Variants in COPZ2 observed in about 807,000 individuals in gnomAD.
COPZ2 encodes coatomer subunit zeta-2.
Under a neutral mutation model 33.2 loss-of-function variants are expected in COPZ2, and 30 were observed. The ratio of observed to expected loss-of-function variants is 0.90; its 90% CI spans 0.68 to 1.23. The LOEUF is 1.23. COPZ2 is among the 50% of genes most tolerant of loss of function. COPZ2 has a pLI of 0.00. For synonymous variants in COPZ2, 89 were observed against 102.6 expected (o/e 0.87, Z 0.80); for missense variants, 263 against 262.4 (o/e 1.00, Z -0.02).
intron 4 of COPZ2, 93 bp downstream of exon 4, chr17:48,033,118 G>T (rs1330502334): frequency 2.3e-6 from 2 of 870,058 alleles, no homozygotes; most frequent in African/African-American, 3.3e-5. Flanking sequence ...GTCCAATGGT[G>T]AGCCTCCAGG....
chr17:48,029,212 G>A (rs771509611), intron 6 of COPZ2, 36 bp from the exon 7 acceptor site: 2 of 1,549,988 alleles, frequency 1.3e-6, no homozygotes, highest in Non-Finnish European at 1.7e-6. Flanking sequence ...AGGCAAATCA[G>A]TGGCACAATC....
At chr17:48,033,028 A>G in intron 4 of COPZ2, 183 bp downstream of exon 4, 1 of 601,550 alleles carries the variant, frequency 1.7e-6, no homozygotes, top group Non-Finnish European at 3.0e-6. Context: ...AAGGAAACTA[A>G]GGGGCATCGA....
At chr17:48,040,857 G>A (rs1370562741), upstream of COPZ2, among the ~76,000 whole-genome samples, 1 of 151,760 alleles carries the variant, frequency 6.6e-6, no homozygotes, top group Non-Finnish European at 1.5e-5. Flanking sequence ...ACCTATCAAT[G>A]ATACCATATT....
chr17:48,044,468 C>G, the COPZ2 span, among the ~76,000 whole-genome samples: 1 of 130,450 alleles, frequency 7.7e-6, no homozygotes, highest in Non-Finnish European at 1.6e-5. Context: ...TGATTCTCTA[C>G]TCTGGCTGTG....
At chr17:48,034,011 G>A (rs1222813073) in intron 2 of COPZ2, 67 bp from the exon 3 acceptor site, 4 of 1,198,988 alleles carry the variant, frequency 3.3e-6, no homozygotes, top group East Asian at 5.0e-5. Context: ...TAGATTGGGG[G>A]GCAGGAAAGA....
In COPZ2 at chr17:48,037,572, G is replaced by T. The variant is rs575497678; in HGVS notation, c.111+95C>A. 1.9e-5 allele frequency: 19 copies of T among 1,004,308 alleles called. No homozygotes were observed. The East Asian group carries it at 1.5e-3, about 79-fold the overall frequency. 62.2% of individuals were successfully genotyped at this position (1,004,308 alleles called of 1,614,324 possible). A position where few individuals can be genotyped will look rare whatever the true frequency, so the allele number is the denominator to read the frequency against. On this transcript the variant is annotated intron_variant, in intron 1 of 8. Transcript: ENST00000621465. This position sits in a 1 kb window ranked among gnomAD's most constrained non-coding sequence, Gnocchi z 5.6. ...GGTGACACAAAGTTCCCAGCCGCCG[G>T]GCGCGCGAGTTCTGAGTTGGCTGCT...
chr17:48,034,746 G>T (rs1269313845), intron 2 of COPZ2, among the ~76,000 whole-genome samples: 2 of 152,108 alleles, frequency 1.3e-5, no homozygotes, highest in South Asian at 2.1e-4. Context: ...ACTTTGGGAG[G>T]CCGAGGCGGG....
At chr17:48,026,876 T>C (rs377200343) in intron 8 of COPZ2, among the ~76,000 whole-genome samples, 14 of 152,244 alleles carry the variant, frequency 9.2e-5, no homozygotes, top group Admixed American at 3.3e-4. Context: ...TGGCTGGCAA[T>C]GTGTCCTCAA....
chr17:48,035,127 C>T (rs2036959952), intron 2 of COPZ2, among the ~76,000 whole-genome samples: 1 of 152,194 alleles, frequency 6.6e-6, no homozygotes, highest in Non-Finnish European at 1.5e-5. Flanking sequence ...CACACATATC[C>T]CATAACTAAA....
the COPZ2 span, chr17:48,047,437 A>T: frequency 6.6e-6 from 1 of 152,200 alleles, no homozygotes; most frequent in Non-Finnish European, 1.5e-5. Flanking sequence ...AAGCTCCCCA[A>T]GTGATGCTGG....
At chr17:48,035,941 G>C (rs561811383) in intron 2 of COPZ2, among the ~76,000 whole-genome samples, 3 of 151,562 alleles carry the variant, frequency 2.0e-5, no homozygotes, top group Non-Finnish European at 4.4e-5. Flanking sequence ...TTTTAGTAGA[G>C]ACAGGGTTTC....
intron 7 of COPZ2, 111 bp downstream of exon 7, chr17:48,029,014 T>C: frequency 1.1e-6 from 1 of 949,198 alleles, no homozygotes. Context: ...GCCCAGTGGT[T>C]GGCTTCTGCT....
In COPZ2 at chr17:48,033,850, G is replaced by C. The variant is rs369842292; in HGVS notation, c.268+13C>G. ...CATCTGATAGTCTGCTGGAGGAAGA[G>C]GGGGACACTTACTCTCAGTCCGGCT... On this transcript the variant is annotated intron_variant, in intron 3 of 8. Coordinates refer to ENST00000621465, the MANE Select transcript of COPZ2 (RefSeq NM_016429.4). 57 of 1,591,548 alleles carry C rather than the reference G, an allele frequency of 3.6e-5. No homozygotes were observed. Among genetic ancestry groups the C allele is most frequent in the Non-Finnish European group, 4.6e-5 (54 of 1,163,994 alleles).
intron 2 of COPZ2, among the ~76,000 whole-genome samples, chr17:48,034,677 C>T (rs74703581): frequency 0.013 from 2,037 of 152,096 alleles, 56 homozygotes; most frequent in African/African-American, 0.046. Flanking sequence ...ATGGGGAAAC[C>T]GAGGCATCAA....
chr17:48,031,985 A>G, intron 6 of COPZ2, 171 bp downstream of exon 6: 1 of 626,610 alleles, frequency 1.6e-6, no homozygotes, highest in Non-Finnish European at 2.9e-6. Context: ...TTCTATCTTC[A>G]TGAGTGGGGC....
intron 4 of COPZ2, 94 bp from the exon 5 acceptor site, chr17:48,032,835 G>A: frequency 1.0e-6 from 1 of 954,350 alleles, no homozygotes; most frequent in East Asian, 2.6e-5. Flanking sequence ...GGCAGCAATG[G>A]AGAGTTTCAG....
At position 48,028,439 on chromosome 17, in the gene COPZ2, A is replaced by G; in HGVS notation, c.585+33T>C. Reference sequence around the variant, plus strand: ...TCTGCTCCCCGTATCTCTCTAGACCATTTCTAGCCAAGGCAGATGCAGGGG... The same window carrying G: ...TCTGCTCCCCGTATCTCTCTAGACCGTTTCTAGCCAAGGCAGATGCAGGGG... On this transcript the variant is annotated intron_variant, in intron 8 of 8. Coordinates refer to ENST00000621465, the MANE Select transcript of COPZ2 (RefSeq NM_016429.4). The surrounding 1 kb of genome is among the most constrained non-coding windows in gnomAD (Gnocchi z 4.5). The G allele has an allele frequency of 6.2e-7, 1 of 1,602,174 alleles. No homozygotes were observed. The highest frequency in any genetic ancestry group is 8.5e-7 in the Non-Finnish European group (1 of 1,174,300).
upstream of COPZ2, among the ~76,000 whole-genome samples, chr17:48,041,958 T>A (rs72823534): frequency 0.15 from 23,136 of 151,444 alleles, 2,243 homozygotes; most frequent in Non-Finnish European, 0.21. Context: ...ATAGGGGACT[T>A]AGGGGGCTGG....
chr17:48,044,282 G>A, the COPZ2 span, among the ~76,000 whole-genome samples: 1 of 152,084 alleles, frequency 6.6e-6, no homozygotes, highest in Non-Finnish European at 1.5e-5. Context: ...GGGAGGCAGA[G>A]GTTGCAGTGA....
Sources: gnomAD v4.1 joint callset for allele counts (sites outside exome capture counted in the v4.1 genomes callset) on GRCh38, gnomAD v4.1.1 for gene constraint, Gnocchi (gnomAD v3.1) non-coding constraint, MANE v1.5 for transcripts, NCBI Gene and HGNC (gene_info 2026-07-23, HGNC 2026-07-21) for gene names.